MKLN1: variants seen among roughly 807,000 people sequenced by gnomAD.
The protein encoded by MKLN1 is muskelin 1.
In MKLN1, 18 loss-of-function variants were observed where a neutral mutation model predicts 99.0. That is an observed-to-expected ratio of 0.18 (90% CI 0.13 to 0.27). MKLN1 has a LOEUF of 0.27. Ranked by LOEUF, MKLN1 falls within the 10% of genes least tolerant of loss-of-function variation. The pLI is 1.00. For missense variants in MKLN1, 621 were observed against 875.9 expected, an observed-to-expected ratio of 0.71 and a Z score of 3.67; for synonymous variants, 288 against 293.2, an observed-to-expected ratio of 0.98 and a Z score of 0.18.
At chr7:131,388,722 T>A (rs1034502708) in intron 3 of MKLN1, among the ~76,000 whole-genome samples, 162 bp from the exon 4 acceptor site, 2 of 152,222 alleles carry the variant, frequency 1.3e-5, no homozygotes, top group African/African-American at 4.8e-5. Context: ...AATGTACCGG[T>A]TTTGACCTAT....
chr7:131,440,410 G>A (rs1020103146), intron 10 of MKLN1, among the ~76,000 whole-genome samples: 2 of 152,114 alleles, frequency 1.3e-5, no homozygotes, highest in Non-Finnish European at 2.9e-5. Flanking sequence ...TCTTGAGCGA[G>A]AACATCCACC....
At position 131,496,168 on chromosome 7, in the gene MKLN1, G is replaced by A. The variant is rs1039176703; in HGVS notation, c.*8440G>A. ...AATGTGTGGAGAAAACCGCTAACTT[G>A]TTTGGTTCTACTCTTACCCCCTCTT... On this transcript the variant is annotated 3_prime_UTR_variant, in exon 18 of 18. Transcript: ENST00000352689. 1.3e-5 allele frequency: 2 copies of A among 152,056 alleles called. No individual in the cohort carries two copies. The highest frequency in any genetic ancestry group is 2.9e-5 in the Non-Finnish European group (2 of 68,040). The allele number at this position is 152,056 out of a possible 1,614,324, so 9.4% of individuals were successfully genotyped here. A position where few individuals can be genotyped will look rare whatever the true frequency, so the allele number is the denominator to read the frequency against.
intron 4 of MKLN1, 35 bp downstream of exon 4, chr7:131,389,007 C>G: frequency 7.0e-7 from 1 of 1,427,480 alleles, no homozygotes; most frequent in Non-Finnish European, 9.8e-7. Flanking sequence ...GAAACAAATT[C>G]TTGATATCAT....
intron 2 of MKLN1, among the ~76,000 whole-genome samples, chr7:131,174,729 T>A (rs982381297): frequency 1.3e-5 from 2 of 152,214 alleles, no homozygotes; most frequent in African/African-American, 2.4e-5. Context: ...TGTTTTAATA[T>A]AGTTCTCAGT....
chr7:131,151,193 G>A (rs767579731), intron 2 of MKLN1, among the ~76,000 whole-genome samples: 15 of 152,196 alleles, frequency 9.9e-5, no homozygotes, highest in African/African-American at 1.4e-4. Context: ...TCCGAAAATC[G>A]GAAGGAGCAG....
intron 1 of MKLN1, among the ~76,000 whole-genome samples, chr7:131,115,174 G>A (rs1563219587): frequency 6.6e-6 from 1 of 152,158 alleles, no homozygotes; most frequent in Non-Finnish European, 1.5e-5. Flanking sequence ...GTAATCCATG[G>A]TCTGCAAGCT....
intron 3 of MKLN1, among the ~76,000 whole-genome samples, chr7:131,228,287 G>A (rs867329003): frequency 1.3e-5 from 2 of 152,144 alleles, no homozygotes; most frequent in South Asian, 2.1e-4. Context: ...CTCAGCAATA[G>A]AACATTCTTA....
At chr7:131,461,616 A>G (rs575331751) in intron 12 of MKLN1, among the ~76,000 whole-genome samples, 3 of 152,322 alleles carry the variant, frequency 2.0e-5, no homozygotes, top group African/African-American at 4.8e-5. Flanking sequence ...ACTAAAGTAG[A>G]TAAAGAAGAC....
chr7:131,118,369 C>A (rs1417006063), intron 1 of MKLN1, among the ~76,000 whole-genome samples: 1 of 152,092 alleles, frequency 6.6e-6, no homozygotes, highest in Non-Finnish European at 1.5e-5. Context: ...GCCTGGCAAA[C>A]ATGGTGAAAC....
intron 1 of MKLN1, chr7:131,328,367 A>C: frequency 3.9e-6 from 1 of 258,932 alleles, no homozygotes; most frequent in Non-Finnish European, 7.6e-6. Flanking sequence ...CGGGCAAACT[A>C]CCCCGAATGT....
At chr7:131,362,452 A>C (rs892866568) in intron 1 of MKLN1, among the ~76,000 whole-genome samples, 1 of 152,038 alleles carries the variant, frequency 6.6e-6, no homozygotes, top group Non-Finnish European at 1.5e-5. Context: ...GGAAGTTTTT[A>C]AAAAAAGTCT....
chr7:131,356,062 A>C (rs1162291698), intron 1 of MKLN1, among the ~76,000 whole-genome samples: 2 of 116,178 alleles, frequency 1.7e-5, no homozygotes, highest in Non-Finnish European at 3.7e-5. Context: ...TAGTTCCCCT[A>C]TTTTTTTTTT....
intron 1 of MKLN1, among the ~76,000 whole-genome samples, chr7:131,134,824 T>G (rs1352602693): frequency 1.3e-5 from 2 of 152,198 alleles, no homozygotes; most frequent in Admixed American, 6.5e-5. Context: ...GTTTTTAATT[T>G]TTTAAAATAT....
chr7:131,438,772 T>A (rs1795745841), intron 10 of MKLN1, among the ~76,000 whole-genome samples: 1 of 152,048 alleles, frequency 6.6e-6, no homozygotes, highest in South Asian at 2.1e-4. Flanking sequence ...TCTATAACTC[T>A]GTATTGATGA....
intron 2 of MKLN1, among the ~76,000 whole-genome samples, chr7:131,152,640 C>T (rs187969711): frequency 6.5e-4 from 99 of 151,922 alleles, no homozygotes; most frequent in African/African-American, 2.4e-3. Flanking sequence ...GCTGAGATTA[C>T]AGGCACGCTC....
At chr7:131,410,479 T>C (rs1226252489) in intron 6 of MKLN1, among the ~76,000 whole-genome samples, 1 of 152,188 alleles carries the variant, frequency 6.6e-6, no homozygotes, top group African/African-American at 2.4e-5. Context: ...CTTTATGTAG[T>C]TTTGTACTCA....
chr7:131,380,932 C>G (rs1793829190), intron 2 of MKLN1, among the ~76,000 whole-genome samples: 1 of 152,154 alleles, frequency 6.6e-6, no homozygotes, highest in South Asian at 2.1e-4. Context: ...TTAGCAAATA[C>G]TGAACCATTG....
chr7:131,376,548 A>G (rs1030323977), intron 2 of MKLN1, among the ~76,000 whole-genome samples: 15 of 151,412 alleles, frequency 9.9e-5, no homozygotes, highest in Non-Finnish European at 7.4e-5. Context: ...AGGCTGAGGC[A>G]GGAGAATCGT....
intron 2 of MKLN1, among the ~76,000 whole-genome samples, chr7:131,375,787 C>T (rs1401802271): frequency 6.6e-6 from 1 of 151,492 alleles, no homozygotes. Context: ...TGAACTCTGA[C>T]TCAATGACTA....
Sources: allele counts gnomAD v4.1 joint callset (sites outside exome capture counted in the v4.1 genomes callset), GRCh38; gene constraint gnomAD v4.1.1; transcripts MANE v1.5; gene names NCBI Gene and HGNC (gene_info 2026-07-23, HGNC 2026-07-21).